ANKRD6: variants seen among roughly 807,000 people sequenced by gnomAD.
ANKRD6 encodes the protein ankyrin repeat domain 6, also known as ankyrin repeat domain-containing protein 6.
A neutral mutation model predicts 82.3 loss-of-function variants in ANKRD6; 56 were observed. That is an observed-to-expected ratio of 0.68 (90% CI 0.55 to 0.85). The LOEUF (loss-of-function observed/expected upper bound fraction) is 0.85, where lower values mean the gene tolerates loss of function less well. Among genes scored for constraint, ANKRD6 ranks in the 40% least tolerant of loss-of-function variants. The pLI, the probability that ANKRD6 is intolerant of heterozygous loss-of-function variation, is 0.00. For missense variants in ANKRD6, 852 were observed against 907.6 expected (o/e 0.94, Z 0.79); for synonymous variants, 347 against 352.1 (o/e 0.99, Z 0.16).
At chr6:89,622,053 C>T in intron 10 of ANKRD6, 27 bp downstream of exon 10, 2 of 1,600,138 alleles carry the variant, frequency 1.2e-6, no homozygotes, top group Non-Finnish European at 1.7e-6. Flanking sequence ...CCGCCGTCCC[C>T]ACATCCACCC....
At chr6:89,607,936 C>T (rs1799214973) in intron 5 of ANKRD6, among the ~76,000 whole-genome samples, 1 of 106,774 alleles carries the variant, frequency 9.4e-6, no homozygotes, top group African/African-American at 4.3e-5. Flanking sequence ...CCACGCCTGG[C>T]TAATTTTTCT....
Position 89,530,185 on chromosome 6 carries a change from G to A in ANKRD6, c.-143-36649G>A, listed in dbSNP as rs141687545. 5.1e-3 allele frequency among the ~76,000 whole-genome samples: 783 copies of A among 152,210 alleles called. 6 individuals are homozygous for A. The highest frequency in any genetic ancestry group is 0.016 in the South Asian group (78 of 4,822). ...TGGGAGGATTGCTTGAGCCCAGGAG[G>A]TTGAGGCTGCAGTGAGCTGTGACTG... On this transcript the variant is annotated intron_variant, in intron 1 of 15. Transcript: ENST00000339746.
chr6:89,452,620 A>G (rs758305588), intron 1 of ANKRD6, among the ~76,000 whole-genome samples: 6 of 152,208 alleles, frequency 3.9e-5, no homozygotes, highest in Non-Finnish European at 8.8e-5. Flanking sequence ...ATTTAAATAA[A>G]TAAATTTTTT....
chr6:89,470,961 T>TTA (rs1252633151), intron 1 of ANKRD6, among the ~76,000 whole-genome samples: 1 of 152,170 alleles, frequency 6.6e-6, no homozygotes, highest in Non-Finnish European at 1.5e-5. Flanking sequence ...TTTTATGGCT[T>TTA]TATATATATG....
chr6:89,436,536 A>C (rs1298336695), intron 1 of ANKRD6, among the ~76,000 whole-genome samples: 2 of 152,190 alleles, frequency 1.3e-5, no homozygotes, highest in African/African-American at 2.4e-5. Context: ...AACTTTGAAA[A>C]CATTATGCTA....
At chr6:89,539,107 TAATTTA>T (rs1784185613) in intron 1 of ANKRD6, among the ~76,000 whole-genome samples, 1 of 152,210 alleles carries the variant, frequency 6.6e-6, no homozygotes, top group Non-Finnish European at 1.5e-5. Context: ...CATTGAAAGA[TAATTTA>T]AATTTAATGT....
chr6:89,621,888 C>T (rs1199346792), intron 9 of ANKRD6, 34 bp from the exon 10 acceptor site: 12 of 1,593,256 alleles, frequency 7.5e-6, no homozygotes, highest in Non-Finnish European at 1.0e-5. Context: ...CTGCGCACAC[C>T]AGTGGTTGTA....
intron 9 of ANKRD6, chr6:89,621,515 C>A: frequency 5.4e-6 from 1 of 184,420 alleles, no homozygotes; most frequent in Non-Finnish European, 1.2e-5. Context: ...TCCAGTGTAC[C>A]AAGATGGAGA....
At chr6:89,592,608 G>A (rs543237466) in intron 2 of ANKRD6, among the ~76,000 whole-genome samples, 3 of 152,168 alleles carry the variant, frequency 2.0e-5, no homozygotes, top group African/African-American at 7.2e-5. Context: ...CCTCCCAGAA[G>A]TGATCTTCTT....
intron 1 of ANKRD6, among the ~76,000 whole-genome samples, chr6:89,476,984 G>A (rs545399999): frequency 1.1e-4 from 17 of 152,166 alleles, no homozygotes; most frequent in Admixed American, 8.5e-4. Flanking sequence ...TCGTTCTGTC[G>A]CCCAGGCTGG....
intron 1 of ANKRD6, among the ~76,000 whole-genome samples, chr6:89,482,264 A>G (rs1334187392): frequency 6.6e-6 from 1 of 152,252 alleles, no homozygotes; most frequent in Middle Eastern, 3.2e-3. Flanking sequence ...ATTTAAGGGA[A>G]TGGGATCCAG....
chr6:89,478,907 CA>C (rs1207851741), intron 1 of ANKRD6, among the ~76,000 whole-genome samples: 3 of 152,154 alleles, frequency 2.0e-5, no homozygotes, highest in Non-Finnish European at 4.4e-5. Context: ...ATGTTTCCCT[CA>C]CAGCCCTCGG....
In ANKRD6 at chr6:89,623,498, C is replaced by T. The variant is rs371124170; in HGVS notation, c.986C>T (p.Pro329Leu). The change falls in exon 11 of 16, where the codon CCA becomes CTA. Residue 329 changes from proline (P) to leucine (L), a missense_variant. By Grantham distance (98) the Pro-to-Leu change is moderately conservative (BLOSUM62 -3). Coordinates refer to ENST00000339746, the MANE Select transcript of ANKRD6 (RefSeq NM_001242809.2). ...EAREEFLSASPEPRAKDDRRR... is the reference protein window; with the variant it reads ...EAREEFLSASLEPRAKDDRRR... ...AGAGAAGAGTTCCTGTCAGCCTCCCCAGAACCCAGAGCAAAGGATGACAGG... is the reference window on the plus strand; with the variant it reads ...AGAGAAGAGTTCCTGTCAGCCTCCCTAGAACCCAGAGCAAAGGATGACAGG... 23 of 1,595,724 alleles carry T rather than the reference C, an allele frequency of 1.4e-5. No individual in the cohort carries two copies. The highest frequency in any genetic ancestry group is 1.9e-5 in the Non-Finnish European group (22 of 1,171,120).
rs553165212 is a variant in ANKRD6 at position 89,448,891 on chromosome 6, G to A, written c.-144+15516G>A. Reference sequence around the variant, plus strand: ...TAAAAATACAAAAAATTAGCCGGGCGTGTTGGCGGGCGCCTGTAGTCCCAG... The same window carrying A: ...TAAAAATACAAAAAATTAGCCGGGCATGTTGGCGGGCGCCTGTAGTCCCAG... On this transcript the variant is annotated intron_variant, in intron 1 of 15. Transcript: ENST00000339746. Among the ~76,000 whole-genome samples, 5 of 151,670 alleles carry A rather than the reference G, an allele frequency of 3.3e-5. No homozygotes were observed. In the East Asian group the frequency reaches 7.7e-4, roughly 24 times the overall value.
Position 89,553,365 on chromosome 6 carries a change from G to A in ANKRD6, c.-143-13469G>A, listed in dbSNP as rs1786115692. 2.6e-5 allele frequency among the ~76,000 whole-genome samples: 4 copies of A among 152,302 alleles called. No individual in the cohort carries two copies. The South Asian group carries it at 8.3e-4, about 32-fold the overall frequency. On this transcript the variant is annotated intron_variant, in intron 1 of 15. Transcript: ENST00000339746. Reference sequence around the variant, plus strand: ...GGATGGCGGGCTCACTGACTTGCAGGTGTCCTCCAGCCCTGGGAGAAGGCC... The same window carrying A: ...GGATGGCGGGCTCACTGACTTGCAGATGTCCTCCAGCCCTGGGAGAAGGCC...
intron 1 of ANKRD6, among the ~76,000 whole-genome samples, chr6:89,456,757 A>G (rs1018934118): frequency 1.3e-5 from 2 of 152,236 alleles, no homozygotes; most frequent in African/African-American, 4.8e-5. Flanking sequence ...GAAATTTTAT[A>G]TTAAAGTGTT....
chr6:89,452,331 G>A (rs926076683), intron 1 of ANKRD6, among the ~76,000 whole-genome samples: 2 of 152,182 alleles, frequency 1.3e-5, no homozygotes, highest in African/African-American at 4.8e-5. Flanking sequence ...ATTTAAGCAA[G>A]TAGAAGCTAT....
chr6:89,479,137 C>G (rs564326551), intron 1 of ANKRD6, among the ~76,000 whole-genome samples: 7 of 152,148 alleles, frequency 4.6e-5, no homozygotes, highest in African/African-American at 1.7e-4. Context: ...CATAAAGAAC[C>G]CTGGGGTTGT....
chr6:89,589,228 G>A (rs564265008), intron 2 of ANKRD6, among the ~76,000 whole-genome samples: 4 of 152,184 alleles, frequency 2.6e-5, no homozygotes, highest in Non-Finnish European at 4.4e-5. Flanking sequence ...CCTGGCTGGA[G>A]TGATGAGGGA....
Sources: allele counts gnomAD v4.1 joint callset (sites outside exome capture counted in the v4.1 genomes callset), GRCh38; gene constraint gnomAD v4.1.1; transcripts MANE v1.5; gene names NCBI Gene and HGNC (gene_info 2026-07-23, HGNC 2026-07-21).